Variants in TJP1 observed in about 807,000 individuals in gnomAD.
TJP1 encodes the protein tight junction protein 1.
In TJP1, 43 loss-of-function variants were observed where a neutral mutation model predicts 194.2. That is an observed-to-expected ratio of 0.22 (90% CI 0.17 to 0.29). TJP1 has a LOEUF of 0.29. Ranked by LOEUF, TJP1 falls within the 10% of genes least tolerant of loss-of-function variation. The pLI, the probability that TJP1 is intolerant of heterozygous loss-of-function variation, is 1.00. For synonymous variants in TJP1, 801 were observed against 779.0 expected, an observed-to-expected ratio of 1.03 and a Z score of -0.47; for missense variants, 1,971 against 2,185.7, an observed-to-expected ratio of 0.90 and a Z score of 1.96.
At chr15:29,782,021 A>T (rs775737976) in intron 2 of TJP1, among the ~76,000 whole-genome samples, 2 of 152,132 alleles carry the variant, frequency 1.3e-5, no homozygotes, top group Non-Finnish European at 2.9e-5. Flanking sequence ...GGAAGAGAGA[A>T]AGTTAAACTA....
chr15:29,860,824 G>T (rs1184481011), intron 2 of TJP1, among the ~76,000 whole-genome samples: 5 of 152,148 alleles, frequency 3.3e-5, no homozygotes, highest in Admixed American at 2.6e-4. Context: ...CTAGCAAGTC[G>T]ACAGGCACCA....
chr15:29,768,150 T>C lies in TJP1; in HGVS notation c.313-1608A>G, dbSNP rs2046437219. 2.0e-5 allele frequency among the ~76,000 whole-genome samples: 3 copies of C among 152,188 alleles called. No homozygotes were observed. In the South Asian group the frequency reaches 6.2e-4, roughly 32 times the overall value. ...TACTACTATTATTATCAGATACTGG[T>C]TCAGGATCAGGATGAGGGCCTGAGC... On this transcript the variant is annotated intron_variant, in intron 4 of 27. Transcript: ENST00000614355.
chr15:29,856,362 T>C (rs1003636537), intron 2 of TJP1, among the ~76,000 whole-genome samples: 4 of 152,012 alleles, frequency 2.6e-5, no homozygotes, highest in African/African-American at 9.7e-5. Context: ...CAAGAGACCA[T>C]ATATTGCACT....
intron 23 of TJP1, among the ~76,000 whole-genome samples, chr15:29,712,326 T>C (rs1239687979): frequency 6.6e-6 from 1 of 152,212 alleles, no homozygotes; most frequent in Non-Finnish European, 1.5e-5. Context: ...AGGGACACCT[T>C]ATGGAACAGC....
At chr15:29,844,904 G>C (rs1257394749) in intron 2 of TJP1, among the ~76,000 whole-genome samples, 1 of 151,924 alleles carries the variant, frequency 6.6e-6, no homozygotes, top group Admixed American at 6.6e-5. Context: ...TCCAAGACCA[G>C]GCTTTGGGCA....
At chr15:29,820,708 G>A (rs748309485) in intron 1 of TJP1, 6 of 601,262 alleles carry the variant, frequency 1.0e-5, no homozygotes, top group Non-Finnish European at 1.8e-5. Flanking sequence ...GACAAATAAT[G>A]GGAGCTTATT....
At chr15:29,940,065 G>C (rs2055016030) in intron 2 of TJP1, among the ~76,000 whole-genome samples, 1 of 152,146 alleles carries the variant, frequency 6.6e-6, no homozygotes, top group Non-Finnish European at 1.5e-5. Flanking sequence ...TCCAGAATAA[G>C]CAGGCCGTAA....
chr15:29,749,809 C>A (rs1026225827), intron 8 of TJP1, among the ~76,000 whole-genome samples: 10 of 152,146 alleles, frequency 6.6e-5, no homozygotes, highest in Non-Finnish European at 1.3e-4. Flanking sequence ...TATCTCAGCA[C>A]CAAGGAGAGT....
intron 2 of TJP1, among the ~76,000 whole-genome samples, chr15:29,881,729 T>G (rs945004582): frequency 2.0e-5 from 3 of 152,174 alleles, no homozygotes; most frequent in Non-Finnish European, 4.4e-5. Context: ...TTGTGGATAC[T>G]TACCAGTAAT....
chr15:29,748,295 C>T (rs2044950389), intron 8 of TJP1, among the ~76,000 whole-genome samples: 1 of 152,118 alleles, frequency 6.6e-6, no homozygotes, highest in Non-Finnish European at 1.5e-5. Flanking sequence ...AACAATACAC[C>T]TCGATTTGGA....
chr15:29,764,051 G>C (rs2046179350), intron 5 of TJP1, among the ~76,000 whole-genome samples: 1 of 152,034 alleles, frequency 6.6e-6, no homozygotes. Flanking sequence ...TATTTCTTGG[G>C]GTATATATGA....
At chr15:29,793,059 G>T (rs890414677) in intron 2 of TJP1, among the ~76,000 whole-genome samples, 1 of 152,014 alleles carries the variant, frequency 6.6e-6, no homozygotes, top group African/African-American at 2.4e-5. Flanking sequence ...TGCAAACAAG[G>T]GTAATCTAAA....
At chr15:29,758,194 A>T (rs2045770967) in intron 8 of TJP1, among the ~76,000 whole-genome samples, 1 of 152,170 alleles carries the variant, frequency 6.6e-6, no homozygotes, top group South Asian at 2.1e-4. Flanking sequence ...GGAAGTTAAA[A>T]ATCACAGGTG....
intron 2 of TJP1, among the ~76,000 whole-genome samples, chr15:29,774,429 G>A (rs1280135993): frequency 6.6e-6 from 1 of 152,082 alleles, no homozygotes; most frequent in African/African-American, 2.4e-5. Context: ...TGTGTAAAAA[G>A]GAATGAAGTA....
At chr15:29,928,114 G>GA (rs969229237) in intron 2 of TJP1, among the ~76,000 whole-genome samples, 29 of 145,632 alleles carry the variant, frequency 2.0e-4, no homozygotes, top group Middle Eastern at 7.3e-3. Flanking sequence ...AGATTATATA[G>GA]AAAAAAAAAA....
intron 2 of TJP1, among the ~76,000 whole-genome samples, chr15:29,860,345 C>G (rs1596125369): frequency 6.6e-6 from 1 of 152,192 alleles, no homozygotes; most frequent in African/African-American, 2.4e-5. Flanking sequence ...TCCATTCCGT[C>G]TTCAAGTAGT....
chr15:29,813,463 A>G (rs1020904010), intron 1 of TJP1, among the ~76,000 whole-genome samples: 2 of 152,218 alleles, frequency 1.3e-5, no homozygotes, highest in African/African-American at 2.4e-5. Flanking sequence ...ATGGAATACC[A>G]TGAAGTACAA....
At chr15:29,790,982 G>A (rs1225880979) in intron 2 of TJP1, among the ~76,000 whole-genome samples, 6 of 151,850 alleles carry the variant, frequency 4.0e-5, no homozygotes, top group African/African-American at 9.7e-5. Flanking sequence ...TGGCTATCAC[G>A]AATAATGCTG....
At position 29,701,416 on chromosome 15, in the gene TJP1, GC is replaced by G; in HGVS notation, c.*178del. ...GTCAATCACAAACATGCAGTGTGTA[GC>G]ATGTTTTCCGACCATGGTTCAGGGG... On this transcript the variant is annotated 3_prime_UTR_variant, in exon 28 of 28. Coordinates refer to ENST00000614355, the MANE Select transcript of TJP1 (RefSeq NM_001330239.4). 5.6e-6 allele frequency: 3 copies of G among 532,568 alleles called. No individual in the cohort carries two copies. Among genetic ancestry groups the G allele is most frequent in the South Asian group, 3.1e-5 (1 of 32,148 alleles). The allele number at this position is 532,568 out of a possible 1,614,324, so 33.0% of individuals were successfully genotyped here. A position where few individuals can be genotyped will look rare whatever the true frequency, so the allele number is the denominator to read the frequency against.
Sources: gnomAD v4.1 joint callset for allele counts (sites outside exome capture counted in the v4.1 genomes callset) on GRCh38, gnomAD v4.1.1 for gene constraint, MANE v1.5 for transcripts, NCBI Gene and HGNC (gene_info 2026-07-23, HGNC 2026-07-21) for gene names.